The following CSMD1 variants were observed in gnomAD, a reference collection of about 807,000 sequenced individuals.
CSMD1 encodes CUB and sushi domain-containing protein 1.
In CSMD1, 213 loss-of-function variants were observed where a neutral mutation model predicts 417.5. The ratio of observed to expected loss-of-function variants is 0.51; its 90% CI spans 0.46 to 0.57. CSMD1 has a LOEUF of 0.57. Ranked by LOEUF, CSMD1 falls within the 20% of genes least tolerant of loss-of-function variation. The pLI is 0.00. For missense variants in CSMD1, 6,923 were observed against 4,529.7 expected, an observed-to-expected ratio of 1.53 and a Z score of -15.17; for synonymous variants, 2,862 against 1,736.8, an observed-to-expected ratio of 1.65 and a Z score of -16.11.
At chr8:4,511,712 T>C (rs1802831514) in intron 2 of CSMD1, among the ~76,000 whole-genome samples, 1 of 152,184 alleles carries the variant, frequency 6.6e-6, no homozygotes, top group Non-Finnish European at 1.5e-5. Flanking sequence ...GATGAACTGC[T>C]GCTGGCTCAG....
At chr8:3,442,179 AC>A (rs953696021) in intron 12 of CSMD1, among the ~76,000 whole-genome samples, 11 of 151,794 alleles carry the variant, frequency 7.2e-5, no homozygotes, top group Admixed American at 3.3e-4. Flanking sequence ...TTATAGCAAA[AC>A]AATAAAAAAT....
chr8:4,348,667 G>A (rs892367786), intron 3 of CSMD1, among the ~76,000 whole-genome samples: 4 of 150,460 alleles, frequency 2.7e-5, no homozygotes, highest in African/African-American at 7.4e-5. Flanking sequence ...GAGAGAGAGA[G>A]AGACTCTTTT....
chr8:3,248,953 A>G (rs529109202), intron 26 of CSMD1, among the ~76,000 whole-genome samples: 59 of 151,756 alleles, frequency 3.9e-4, no homozygotes, highest in African/African-American at 1.2e-3. Flanking sequence ...TGTTCCCCGC[A>G]CTCCACCTCG....
intron 10 of CSMD1, among the ~76,000 whole-genome samples, chr8:3,529,735 C>T (rs967529025): frequency 3.3e-5 from 5 of 152,136 alleles, no homozygotes; most frequent in Admixed American, 3.3e-4. Flanking sequence ...GTTTTACTCA[C>T]AGGAAACGGA....
At chr8:3,809,740 C>G (rs368943280) in intron 5 of CSMD1, among the ~76,000 whole-genome samples, 5 of 152,050 alleles carry the variant, frequency 3.3e-5, no homozygotes, top group African/African-American at 1.2e-4. Flanking sequence ...GAAGGTTTTC[C>G]TAAGAGGGGA....
rs566790848 is a variant in CSMD1 at position 3,701,314 on chromosome 8, T to C, written c.1009+7100A>G. ...GAGTGAGCTGGTTTTCTTCTCTCTT[T>C]ATTTCTCATGGTAGCCCTATTCATG... On this transcript the variant is annotated intron_variant, in intron 7 of 69. Transcript: ENST00000635120. Among the ~76,000 whole-genome samples, 181 of 152,288 alleles carry C rather than the reference T, an allele frequency of 1.2e-3. 3 individuals carry two copies. In the Middle Eastern group the frequency reaches 0.024, roughly 20 times the overall value.
intron 3 of CSMD1, among the ~76,000 whole-genome samples, chr8:4,071,326 G>A (rs1456762062): frequency 1.3e-5 from 2 of 151,762 alleles, no homozygotes; most frequent in Non-Finnish European, 2.9e-5. Flanking sequence ...AATTTCCATT[G>A]GACTAACATC....
intron 5 of CSMD1, among the ~76,000 whole-genome samples, chr8:3,876,157 C>A (rs1415422985): frequency 1.3e-5 from 2 of 152,094 alleles, no homozygotes; most frequent in African/African-American, 4.8e-5. Context: ...AAACCAGTGA[C>A]AGTCATGTTT....
chr8:4,582,376 T>G (rs1799464157), intron 2 of CSMD1, among the ~76,000 whole-genome samples: 1 of 152,152 alleles, frequency 6.6e-6, no homozygotes, highest in Admixed American at 6.5e-5. Flanking sequence ...ATAATTGTTT[T>G]GAGGACAAAG....
At chr8:3,189,772 A>G (rs1585604216) in intron 34 of CSMD1, 140 bp downstream of exon 34, 31 of 682,340 alleles carry the variant, frequency 4.5e-5, no homozygotes, top group Middle Eastern at 4.1e-4. Flanking sequence ...TACTAACTCA[A>G]TTACTTCCCA....
chr8:4,853,706 T>A (rs939557234), intron 1 of CSMD1, among the ~76,000 whole-genome samples: 5 of 152,158 alleles, frequency 3.3e-5, no homozygotes, highest in African/African-American at 1.2e-4. Flanking sequence ...AACTGAGGAA[T>A]GGTAGATCTA....
chr8:4,784,521 G>C (rs915756090), intron 1 of CSMD1, among the ~76,000 whole-genome samples: 3 of 152,184 alleles, frequency 2.0e-5, no homozygotes, highest in South Asian at 2.1e-4. Context: ...GATGAGAGGA[G>C]ACAGACCCTT....
In CSMD1 at chr8:4,061,161, C is replaced by T. The variant is rs570944445; in HGVS notation, c.416-29062G>A. ...ATCTCATCCCCATCCTTGCCCCTTA[C>T]GATGGAAAATCCCTCAGCTGCAGTT... is the stretch of plus-strand genomic sequence containing the variant. On this transcript the variant is annotated intron_variant, in intron 3 of 69. Transcript: ENST00000635120. Among the ~76,000 whole-genome samples the T allele has an allele frequency of 1.3e-3, 202 of 152,244 alleles. 2 individuals are homozygous for T. The highest frequency in any genetic ancestry group is 4.7e-3 in the African/African-American group (197 of 41,548).
intron 1 of CSMD1, among the ~76,000 whole-genome samples, chr8:4,662,503 G>A (rs906312538): frequency 3.3e-5 from 5 of 152,134 alleles, no homozygotes; most frequent in African/African-American, 9.7e-5. Context: ...GCTTTCTGGT[G>A]GTGAAAAGTC....
chr8:4,125,078 G>T (rs544646624), intron 3 of CSMD1, among the ~76,000 whole-genome samples: 1 of 151,322 alleles, frequency 6.6e-6, no homozygotes, highest in African/African-American at 2.4e-5. Flanking sequence ...TGCAGTCCAC[G>T]GCTTCATTCC....
At chr8:3,212,761 A>T (rs553765159) in intron 30 of CSMD1, among the ~76,000 whole-genome samples, 4 of 152,178 alleles carry the variant, frequency 2.6e-5, no homozygotes, top group South Asian at 2.1e-4. Context: ...ACATAGAAAT[A>T]GCAGAACACG....
intron 1 of CSMD1, among the ~76,000 whole-genome samples, chr8:4,646,316 T>C (rs1226071523): frequency 2.0e-5 from 3 of 152,208 alleles, no homozygotes; most frequent in African/African-American, 4.8e-5. Context: ...TGACACTTCA[T>C]CTTGGGTCAG....
chr8:4,080,194 C>G (rs954488049), intron 3 of CSMD1, among the ~76,000 whole-genome samples: 2 of 152,054 alleles, frequency 1.3e-5, no homozygotes, highest in African/African-American at 4.8e-5. Flanking sequence ...TGGGTTCATT[C>G]TAGCTCCCCA....
chr8:4,894,991 G>C (rs1804382031), intron 1 of CSMD1, among the ~76,000 whole-genome samples: 1 of 152,112 alleles, frequency 6.6e-6, no homozygotes, highest in Non-Finnish European at 1.5e-5. Flanking sequence ...CTGATCTACT[G>C]CCTTCGGCAA....
Sources: gnomAD v4.1 joint callset for allele counts (sites outside exome capture counted in the v4.1 genomes callset) on GRCh38, gnomAD v4.1.1 for gene constraint, MANE v1.5 for transcripts, NCBI Gene and HGNC (gene_info 2026-07-23, HGNC 2026-07-21) for gene names.